SUPT3H: variants seen among roughly 807,000 people sequenced by gnomAD.
SUPT3H encodes transcription initiation protein SPT3 homolog.
SUPT3H carries 44 observed loss-of-function variants against 44.3 expected under a neutral mutation model. That is an observed-to-expected ratio of 0.99 (90% CI 0.78 to 1.28). The LOEUF (loss-of-function observed/expected upper bound fraction) is 1.28. SUPT3H is among the 50% of genes most tolerant of loss of function. SUPT3H has a pLI of 0.00. For synonymous variants in SUPT3H, 124 were observed against 125.6 expected (o/e 0.99, Z 0.09); for missense variants, 380 against 387.1 (o/e 0.98, Z 0.15).
Position 44,828,102 on chromosome 6 carries a change from G to A in SUPT3H, c.*1714C>T, listed in dbSNP as rs142794387. 2.1e-3 allele frequency among the ~76,000 whole-genome samples: 327 copies of A among 152,216 alleles called. 1 individual carries two copies. The highest frequency in any genetic ancestry group is 7.5e-3 in the African/African-American group (313 of 41,572). On this transcript the variant is annotated 3_prime_UTR_variant, in exon 11 of 11. Coordinates refer to ENST00000371459, the MANE Select transcript of SUPT3H (RefSeq NM_003599.4). ...AATGTGGGAGAGAAGGAATTTTGAT[G>A]TGAAAAATTATCCCCTGAAAATTTT...
chr6:45,252,850 A>C (rs1772622327), intron 2 of SUPT3H, among the ~76,000 whole-genome samples: 1 of 152,200 alleles, frequency 6.6e-6, no homozygotes, highest in Admixed American at 6.5e-5. Context: ...GTATCAGAAC[A>C]CAAGAAAAAA....
chr6:44,811,288 G>A (rs888849546), intron 11 of SUPT3H, among the ~76,000 whole-genome samples: 3 of 152,332 alleles, frequency 2.0e-5, no homozygotes, highest in African/African-American at 7.2e-5. Flanking sequence ...AAGATTAGAA[G>A]GGGTTATGGG....
chr6:44,905,201 A>G (rs1265758920), intron 10 of SUPT3H, among the ~76,000 whole-genome samples: 1 of 152,186 alleles, frequency 6.6e-6, no homozygotes, highest in East Asian at 1.9e-4. Context: ...GCTTCTGCAC[A>G]GCAAAAGAAA....
intron 3 of SUPT3H, among the ~76,000 whole-genome samples, chr6:45,084,657 T>G (rs981331505): frequency 2.0e-5 from 3 of 152,128 alleles, no homozygotes; most frequent in African/African-American, 4.8e-5. Context: ...AAACCACACA[T>G]GCACTCATGT....
chr6:45,053,103 T>C (rs13207575), intron 3 of SUPT3H, among the ~76,000 whole-genome samples: 55,236 of 151,824 alleles, frequency 0.36, 10,687 homozygotes, highest in Non-Finnish European at 0.43. Flanking sequence ...GGCACAATCA[T>C]AGCTCACTGC....
chr6:45,273,984 T>C (rs1423486508), intron 2 of SUPT3H, among the ~76,000 whole-genome samples: 1 of 152,240 alleles, frequency 6.6e-6, no homozygotes, highest in East Asian at 1.9e-4. Flanking sequence ...GTTATCTTTT[T>C]GATCATAGCT....
Position 45,105,777 on chromosome 6 carries a change from A to T in SUPT3H, c.186+145T>A, listed in dbSNP as rs1279739504. 6 of 528,366 alleles carry T rather than the reference A, an allele frequency of 1.1e-5. No homozygotes were observed. In the African/African-American group the frequency reaches 1.1e-4, roughly 10 times the overall value. The allele number at this position is 528,366 out of a possible 1,614,324, so 32.7% of individuals were successfully genotyped here. A position where few individuals can be genotyped will look rare whatever the true frequency, so the allele number is the denominator to read the frequency against. ...CAGCAAATTATGCATTAAACTAGTA[A>T]ATTTTGTTATATATAAAGTATACTT... On this transcript the variant is annotated intron_variant, in intron 3 of 10. Transcript: ENST00000371459.
intron 11 of SUPT3H, among the ~76,000 whole-genome samples, chr6:44,810,131 A>T (rs779326057): frequency 6.6e-6 from 1 of 152,124 alleles, no homozygotes; most frequent in African/African-American, 2.4e-5. Flanking sequence ...TGACTCCAGA[A>T]TCATGAGAAA....
At chr6:45,171,713 C>T (rs890127031) in intron 2 of SUPT3H, among the ~76,000 whole-genome samples, 16 of 93,474 alleles carry the variant, frequency 1.7e-4, no homozygotes, top group South Asian at 8.4e-4. Flanking sequence ...ATTCCACTTG[C>T]TTTTTTTTTT....
At chr6:45,056,628 C>T (rs1179947005) in intron 3 of SUPT3H, among the ~76,000 whole-genome samples, 1 of 152,134 alleles carries the variant, frequency 6.6e-6, no homozygotes, top group Non-Finnish European at 1.5e-5. Context: ...TATGTTTTCA[C>T]TTACAAGTGG....
chr6:45,014,466 C>T (rs1490529150), intron 5 of SUPT3H, among the ~76,000 whole-genome samples: 3 of 152,060 alleles, frequency 2.0e-5, no homozygotes, highest in Non-Finnish European at 4.4e-5. Context: ...CAAGGTCACA[C>T]AAAGAAAGCA....
intron 2 of SUPT3H, among the ~76,000 whole-genome samples, chr6:45,214,269 A>G (rs1009460513): frequency 1.3e-5 from 2 of 152,052 alleles, no homozygotes; most frequent in Non-Finnish European, 2.9e-5. Context: ...ATAACAGAGA[A>G]AAAAATAATC....
chr6:45,218,811 A>G (rs1765515516), intron 2 of SUPT3H, among the ~76,000 whole-genome samples: 1 of 152,200 alleles, frequency 6.6e-6, no homozygotes, highest in Non-Finnish European at 1.5e-5. Flanking sequence ...AAATTAAAAC[A>G]TACAAATACT....
intron 2 of SUPT3H, among the ~76,000 whole-genome samples, chr6:45,182,047 T>C (rs1305705048): frequency 6.6e-6 from 1 of 152,046 alleles, no homozygotes; most frequent in East Asian, 1.9e-4. Context: ...ATAATACGTT[T>C]CCTTTTTTGT....
chr6:45,312,349 C>T (rs1168687754), intron 2 of SUPT3H, among the ~76,000 whole-genome samples: 1 of 151,894 alleles, frequency 6.6e-6, no homozygotes, highest in African/African-American at 2.4e-5. Flanking sequence ...CCTATCTCCA[C>T]AAAATATACA....
intron 2 of SUPT3H, among the ~76,000 whole-genome samples, chr6:45,211,855 A>C (rs1255177410): frequency 6.6e-6 from 1 of 151,278 alleles, no homozygotes; most frequent in African/African-American, 2.4e-5. Flanking sequence ...CTCAACTAAA[A>C]AAAAAAAAAG....
chr6:45,007,728 TC>T (rs1204066087), intron 5 of SUPT3H, among the ~76,000 whole-genome samples: 1 of 150,058 alleles, frequency 6.7e-6, no homozygotes, highest in East Asian at 1.9e-4. Flanking sequence ...CCCTAAGTAT[TC>T]CCCCCCACTT....
intron 6 of SUPT3H, among the ~76,000 whole-genome samples, chr6:44,964,349 C>T (rs1776486730): frequency 6.6e-6 from 1 of 150,488 alleles, no homozygotes; most frequent in African/African-American, 2.4e-5. Flanking sequence ...AATGGCTGGA[C>T]AGAAAAGATT....
chr6:45,066,045 G>A (rs866995956), intron 3 of SUPT3H, among the ~76,000 whole-genome samples: 14 of 137,412 alleles, frequency 1.0e-4, no homozygotes, highest in Middle Eastern at 3.4e-3. Context: ...GATGAACATT[G>A]ATGCAAAAAT....
Sources: allele counts gnomAD v4.1 joint callset (sites outside exome capture counted in the v4.1 genomes callset), GRCh38; gene constraint gnomAD v4.1.1; transcripts MANE v1.5; gene names NCBI Gene and HGNC (gene_info 2026-07-23, HGNC 2026-07-21).